TLN2: variants seen among roughly 807,000 people sequenced by gnomAD.
The protein encoded by TLN2 is talin 2, also known as talin-2.
A neutral mutation model predicts 294.7 loss-of-function variants in TLN2; 118 were observed. That is an observed-to-expected ratio of 0.40 (90% confidence interval 0.34 to 0.47). TLN2 has a LOEUF of 0.47. Among genes scored for constraint, TLN2 ranks in the 20% least tolerant of loss-of-function variants. The pLI, the probability that TLN2 is intolerant of heterozygous loss-of-function variation, is 0.84. For synonymous variants in TLN2, 1,431 were observed against 1,304.5 expected, an observed-to-expected ratio of 1.10 and a Z score of -2.09; for missense variants, 3,083 against 3,282.2, an observed-to-expected ratio of 0.94 and a Z score of 1.48.
chr15:62,644,673 G>C (rs892074392), intron 3 of TLN2: 1 of 441,334 alleles, frequency 2.3e-6, no homozygotes, highest in Non-Finnish European at 4.5e-6. Context: ...GCTGTGCCCT[G>C]CAGGGCTCCC....
intron 1 of TLN2, among the ~76,000 whole-genome samples, chr15:62,534,965 C>T (rs1010069038): frequency 4.2e-4 from 64 of 152,288 alleles, no homozygotes; most frequent in African/African-American, 1.2e-3. Flanking sequence ...ATGCGACTTC[C>T]GGGAAGTCCT....
At chr15:62,648,935 T>G (rs1440838671) in intron 4 of TLN2, among the ~76,000 whole-genome samples, 4 of 152,072 alleles carry the variant, frequency 2.6e-5, no homozygotes, top group Non-Finnish European at 5.9e-5. Flanking sequence ...AGCCTCAACC[T>G]TCCAGGCTCA....
At chr15:62,457,650 G>C (rs938572502) in intron 1 of TLN2, among the ~76,000 whole-genome samples, 1 of 152,158 alleles carries the variant, frequency 6.6e-6, no homozygotes, top group Non-Finnish European at 1.5e-5. Flanking sequence ...GGTTTGTGTC[G>C]GGGTTTTCCA....
intron 1 of TLN2, among the ~76,000 whole-genome samples, chr15:62,541,321 A>G (rs991432297): frequency 1.3e-5 from 2 of 152,220 alleles, no homozygotes; most frequent in Non-Finnish European, 2.9e-5. Flanking sequence ...TATTGCTATT[A>G]TTGGCCACTG....
chr15:62,500,840 G>T (rs557852890), intron 1 of TLN2, among the ~76,000 whole-genome samples: 5 of 152,280 alleles, frequency 3.3e-5, no homozygotes, highest in Admixed American at 2.6e-4. Flanking sequence ...AGTTAAAGAC[G>T]CAGAAGAAAG....
chr15:62,705,218 T>G (rs2141110749), intron 19 of TLN2, among the ~76,000 whole-genome samples: 1 of 152,336 alleles, frequency 6.6e-6, no homozygotes, highest in South Asian at 2.1e-4. Flanking sequence ...CAGACTTGAA[T>G]GTTTTCAATT....
At chr15:62,686,068 A>G (rs1268071268) in intron 11 of TLN2, among the ~76,000 whole-genome samples, 1 of 152,196 alleles carries the variant, frequency 6.6e-6, no homozygotes, top group Non-Finnish European at 1.5e-5. Context: ...AATAGACATT[A>G]CTATATCTTA....
chr15:62,724,199 T>C (rs1371334554), intron 26 of TLN2, among the ~76,000 whole-genome samples: 1 of 152,148 alleles, frequency 6.6e-6, no homozygotes, highest in East Asian at 1.9e-4. Flanking sequence ...TGTCATTGAC[T>C]AATTTGGTGA....
chr15:62,458,238 T>G (rs898869581), intron 1 of TLN2, among the ~76,000 whole-genome samples: 3 of 152,046 alleles, frequency 2.0e-5, no homozygotes, highest in African/African-American at 7.2e-5. Context: ...TGCCCAGGCC[T>G]TTTTTCCAGT....
intron 11 of TLN2, 36 bp downstream of exon 11, chr15:62,675,357 GC>G: frequency 6.3e-7 from 1 of 1,591,282 alleles, no homozygotes; most frequent in Non-Finnish European, 8.6e-7. Context: ...GTTCACCTTG[GC>G]CCCTTCTTTT....
At chr15:62,532,341 C>T (rs1222137915) in intron 1 of TLN2, among the ~76,000 whole-genome samples, 1 of 152,198 alleles carries the variant, frequency 6.6e-6, no homozygotes, top group African/African-American at 2.4e-5. Context: ...AAGCAATCTG[C>T]CCACCTTAGC....
At chr15:62,453,227 A>C (rs2036257763) in intron 1 of TLN2, among the ~76,000 whole-genome samples, 1 of 151,196 alleles carries the variant, frequency 6.6e-6, no homozygotes, top group Non-Finnish European at 1.5e-5. Context: ...TTGATGGTGC[A>C]GAGAGAGAGG....
chr15:62,750,334 A>G (rs2061857416), intron 33 of TLN2, 68 bp from the exon 34 acceptor site: 2 of 1,267,256 alleles, frequency 1.6e-6, no homozygotes, highest in Admixed American at 3.4e-5. Context: ...GATAGTTGGC[A>G]GTTGATGTTG....
intron 1 of TLN2, among the ~76,000 whole-genome samples, chr15:62,489,340 T>G (rs2038583307): frequency 6.6e-6 from 1 of 152,210 alleles, no homozygotes. Context: ...CAGGTGCAAC[T>G]TCTCAAACAG....
At position 62,842,111 on chromosome 15, in the gene TLN2, C is replaced by G. The variant is rs556261173; in HGVS notation, c.*1501C>G. 4.6e-5 allele frequency: 7 copies of G among 152,176 alleles called. No individual in the cohort carries two copies. Among genetic ancestry groups the G allele is most frequent in the Admixed American group, 6.5e-5 (1 of 15,278 alleles). The allele number at this position is 152,176 out of a possible 1,614,324, so 9.4% of individuals were successfully genotyped here. On this transcript the variant is annotated 3_prime_UTR_variant, in exon 59 of 59. Coordinates refer to ENST00000636159, the MANE Select transcript of TLN2 (RefSeq NM_015059.3). ...TCGACCTTGCCCGATCTTGTTTCAC[C>G]AGACTCTAGCCCATGTCATGGTTTT...
chr15:62,795,001 G>A (rs1431371683), intron 46 of TLN2, among the ~76,000 whole-genome samples: 1 of 152,204 alleles, frequency 6.6e-6, no homozygotes, highest in Non-Finnish European at 1.5e-5. Flanking sequence ...CCTGACACAT[G>A]CGATTTACAT....
At chr15:62,506,365 A>C (rs757803248) in intron 1 of TLN2, among the ~76,000 whole-genome samples, 1 of 152,238 alleles carries the variant, frequency 6.6e-6, no homozygotes, top group Non-Finnish European at 1.5e-5. Context: ...AGACTCTGCT[A>C]TGGTGCCTTC....
In TLN2 at chr15:62,466,272, G is replaced by A. The variant is rs532336957; in HGVS notation, c.-238+75587G>A. Among the ~76,000 whole-genome samples, 6 of 152,308 alleles carry A rather than the reference G, an allele frequency of 3.9e-5. No homozygotes were observed. In the South Asian group the frequency reaches 1.2e-3, roughly 32 times the overall value. ...GGTCCGGTGGTATGTCTGGACCGAG[G>A]AGCCTATCAGAGAACGAACTAGGAC... On this transcript the variant is annotated intron_variant, in intron 1 of 58. Transcript: ENST00000636159.
At chr15:62,445,373 T>A (rs1226681404) in intron 1 of TLN2, among the ~76,000 whole-genome samples, 1 of 152,190 alleles carries the variant, frequency 6.6e-6, no homozygotes, top group Non-Finnish European at 1.5e-5. Flanking sequence ...AGAGTTTATC[T>A]CATGATACTT....
Sources: allele counts gnomAD v4.1 joint callset (sites outside exome capture counted in the v4.1 genomes callset), GRCh38; gene constraint gnomAD v4.1.1; transcripts MANE v1.5; gene names NCBI Gene and HGNC (gene_info 2026-07-23, HGNC 2026-07-21).